PKHD1L1: variants seen among roughly 807,000 people sequenced by gnomAD.
PKHD1L1 encodes the protein fibrocystin-L.
A neutral mutation model predicts 462.9 loss-of-function variants in PKHD1L1; 434 were observed. The ratio of observed to expected loss-of-function variants is 0.94; its 90% CI spans 0.87 to 1.02. The LOEUF is 1.02. PKHD1L1 is among the 50% of genes least tolerant of loss of function. PKHD1L1 has a pLI of 0.00. For missense variants in PKHD1L1, 5,202 were observed against 5,096.1 expected (o/e 1.02, Z -0.63); for synonymous variants, 1,781 against 1,750.0 (o/e 1.02, Z -0.44).
At position 109,533,380 on chromosome 8, in the gene PKHD1L1, C is replaced by A. The variant is rs991152323; in HGVS notation, c.*3290C>A. 6.6e-6 allele frequency among the ~76,000 whole-genome samples: 1 copy of A among 152,168 alleles called. No homozygotes were observed. On this transcript the variant is annotated 3_prime_UTR_variant, in exon 78 of 78. Transcript: ENST00000378402. ...CTTGTTTTTATTTCCATAATGTGGCCTATATCATGTCAATCCCTGGCCCAG... is the reference window on the plus strand; with the variant it reads ...CTTGTTTTTATTTCCATAATGTGGCATATATCATGTCAATCCCTGGCCCAG...
At chr8:109,440,968 A>G (rs1815752648) in intron 33 of PKHD1L1, 116 bp downstream of exon 33, 1 of 1,275,642 alleles carries the variant, frequency 7.8e-7, no homozygotes, top group Non-Finnish European at 1.1e-6. Flanking sequence ...TTCTAGTAGC[A>G]TAAAAAAGGT....
chr8:109,470,380 G>A, intron 50 of PKHD1L1: 3 of 1,566,636 alleles, frequency 1.9e-6, no homozygotes, highest in Non-Finnish European at 2.6e-6. Context: ...GCTTATTATA[G>A]ATCTTTCCAA....
chr8:109,508,374 C>T, intron 70 of PKHD1L1, 110 bp downstream of exon 70: 1 of 1,135,092 alleles, frequency 8.8e-7, no homozygotes. Flanking sequence ...AACATCAGGC[C>T]TTGTTTGCCT....
At chr8:109,372,681 C>T (rs1811576685) in intron 2 of PKHD1L1, among the ~76,000 whole-genome samples, 1 of 152,180 alleles carries the variant, frequency 6.6e-6, no homozygotes, top group Admixed American at 6.5e-5. Flanking sequence ...TATGTCCCAT[C>T]AATACCTAAT....
intron 26 of PKHD1L1, 106 bp downstream of exon 26, chr8:109,429,568 C>T (rs1814973240): frequency 9.3e-7 from 1 of 1,072,980 alleles, no homozygotes; most frequent in Admixed American, 2.9e-5. Context: ...TTCTGTATTT[C>T]ATGGGAACAT....
chr8:109,514,154 C>G (rs762419081), intron 71 of PKHD1L1, among the ~76,000 whole-genome samples: 2 of 152,058 alleles, frequency 1.3e-5, no homozygotes, highest in South Asian at 4.1e-4. Context: ...GCTACCCTCC[C>G]GGGCCTATGT....
intron 47 of PKHD1L1, 31 bp from the exon 48 acceptor site, chr8:109,461,741 T>TTC: frequency 6.3e-7 from 1 of 1,589,340 alleles, no homozygotes; most frequent in South Asian, 1.2e-5. Context: ...CCGACAATTT[T>TTC]TTTAATGATG....
intron 21 of PKHD1L1, among the ~76,000 whole-genome samples, chr8:109,416,910 A>G (rs1180879701): frequency 2.6e-5 from 4 of 152,114 alleles, no homozygotes; most frequent in Non-Finnish European, 4.4e-5. Flanking sequence ...TGAAATAACA[A>G]TTTTACTTTT....
chr8:109,382,418 A>G (rs781057305), intron 3 of PKHD1L1, 45 bp from the exon 4 acceptor site: 2 of 1,503,852 alleles, frequency 1.3e-6, no homozygotes, highest in Non-Finnish European at 1.8e-6. Flanking sequence ...TACACTAAAT[A>G]AGAGAGGAAT....
Position 109,413,440 on chromosome 8 carries a change from G to T in PKHD1L1, c.2255G>T (p.Gly752Val). 1 of 1,557,402 alleles carries T rather than the reference G, an allele frequency of 6.4e-7. No homozygotes were observed. The highest frequency in any genetic ancestry group is 8.7e-7 in the Non-Finnish European group (1 of 1,143,652). The stretch of plus-strand genomic sequence containing the variant: ...ATGTAGTTATGTTTAGCATACAAAG[G>T]ATTCCTGGCAAATTATATTGGTCTA... ...PYNQLCLAYKGFLANYIGLKF... is the reference protein window; with the variant it reads ...PYNQLCLAYKVFLANYIGLKF... The change falls in exon 21 of 78, where the codon GGA becomes GTA. Residue 752 changes from glycine (G) to valine (V), a missense_variant. Gly to Val is a moderately radical substitution (Grantham distance 109). This residue lies in a region of PKHD1L1 where 4,497 missense variants were observed against 4,336.8 expected (regional missense o/e 1.04). Coordinates refer to ENST00000378402, the MANE Select transcript of PKHD1L1 (RefSeq NM_177531.6).
chr8:109,472,731 C>G (rs1817786796), intron 50 of PKHD1L1, among the ~76,000 whole-genome samples: 1 of 151,704 alleles, frequency 6.6e-6, no homozygotes, highest in Non-Finnish European at 1.5e-5. Context: ...AAAAAATCAA[C>G]TGTATAGTAA....
At chr8:109,468,965 C>T (rs1454834457) in intron 50 of PKHD1L1, among the ~76,000 whole-genome samples, 1 of 152,098 alleles carries the variant, frequency 6.6e-6, no homozygotes, top group East Asian at 1.9e-4. Flanking sequence ...TAGTTTTCTT[C>T]CTATATGCAA....
Position 109,362,607 on chromosome 8 carries a change from T to G in PKHD1L1, c.27T>G (p.Ile9Met). 6.2e-7 allele frequency: 1 copy of G among 1,609,958 alleles called. No individual in the cohort carries two copies. The highest frequency in any genetic ancestry group is 8.5e-7 in the Non-Finnish European group (1 of 1,178,226). Residue 9 changes from isoleucine (I) to methionine (M), a missense_variant, in exon 1 of 78, where the codon ATT (isoleucine) becomes ATG (methionine). Ile to Met is a conservative substitution (Grantham distance 10). Transcript: ENST00000378402. ...TGGGACACCTGTGGCTCCTGGGTATTTGGGGCCTCTGTGGGCTGCTCCTGT... is the reference window on the plus strand; with the variant it reads ...TGGGACACCTGTGGCTCCTGGGTATGTGGGGCCTCTGTGGGCTGCTCCTGT... MGHLWLLG[I>M]WGLCGLLLCA... is the part of the protein sequence containing the mutation.
intron 4 of PKHD1L1, 21 bp from the exon 5 acceptor site, chr8:109,384,049 T>C (rs1747869428): frequency 3.3e-6 from 5 of 1,530,894 alleles, no homozygotes; most frequent in Non-Finnish European, 4.5e-6. Context: ...AGTTTTCATA[T>C]TGACATTATT....
chr8:109,364,731 C>A, intron 2 of PKHD1L1, 95 bp downstream of exon 2: 2 of 796,786 alleles, frequency 2.5e-6, no homozygotes, highest in Non-Finnish European at 3.9e-6. Context: ...AACAAACAAG[C>A]ACCACTGGAG....
At chr8:109,450,255 CA>C (rs1188857778) in intron 40 of PKHD1L1, among the ~76,000 whole-genome samples, 3 of 152,052 alleles carry the variant, frequency 2.0e-5, no homozygotes, top group Non-Finnish European at 4.4e-5. Context: ...TATTACTTAA[CA>C]AAATTTAAGA....
rs78473898 is a variant in PKHD1L1 at position 109,366,238 on chromosome 8, A to G, written c.163+1602A>G. ...ATAAAGCCCAGAGTGTCATTTGGTAAATTTCTACTTTTCTCATCCGTCCCA... is the reference window on the plus strand; with the variant it reads ...ATAAAGCCCAGAGTGTCATTTGGTAGATTTCTACTTTTCTCATCCGTCCCA... On this transcript the variant is annotated intron_variant, in intron 2 of 77. Transcript: ENST00000378402. 7.9e-3 allele frequency among the ~76,000 whole-genome samples: 1,200 copies of G among 152,266 alleles called. 13 individuals carry two copies. The highest frequency in any genetic ancestry group is 0.027 in the African/African-American group (1,138 of 41,544).
intron 17 of PKHD1L1, among the ~76,000 whole-genome samples, chr8:109,407,023 G>A (rs183306726): frequency 3.1e-4 from 47 of 151,936 alleles, no homozygotes; most frequent in African/African-American, 7.2e-4. Context: ...GCTATTAACC[G>A]CCTATTAATG....
intron 2 of PKHD1L1, among the ~76,000 whole-genome samples, chr8:109,369,488 G>T (rs938990284): frequency 6.6e-6 from 1 of 151,866 alleles, no homozygotes; most frequent in Non-Finnish European, 1.5e-5. Context: ...ATATATATTT[G>T]ACATTATAGT....
Sources: allele counts gnomAD v4.1 joint callset (sites outside exome capture counted in the v4.1 genomes callset), GRCh38; gene constraint gnomAD v4.1.1; regional missense constraint gnomAD v4.1.1; transcripts MANE v1.5; gene names NCBI Gene and HGNC (gene_info 2026-07-23, HGNC 2026-07-21).